PRELID2: variants seen among roughly 807,000 people sequenced by gnomAD.
The protein encoded by PRELID2 is PRELI domain-containing protein 2.
PRELID2 carries 25 observed loss-of-function variants against 28.4 expected under a neutral mutation model. The observed-to-expected ratio is 0.88, with a 90% CI of 0.64 to 1.23. The LOEUF (loss-of-function observed/expected upper bound fraction) is 1.23. Ranked by LOEUF, PRELID2 falls within the 50% of genes most tolerant of loss-of-function variation. PRELID2 has a pLI of 0.00. For missense variants in PRELID2, 201 were observed against 214.4 expected (o/e 0.94, Z 0.39); for synonymous variants, 76 against 71.6 (o/e 1.06, Z -0.31).
chr5:145,542,783 T>TTCTTTCTTTCTTTCTG (rs397750315), intron 1 of PRELID2, among the ~76,000 whole-genome samples: 2 of 114,632 alleles, frequency 1.7e-5, no homozygotes, highest in East Asian at 4.5e-4. Flanking sequence ...CTTTCTTTCT[T>TTCTTTCTTTCTTTCTG]TCTGTCTTTT....
the PRELID2 span, among the ~76,000 whole-genome samples, chr5:145,375,115 G>A: frequency 7.2e-5 from 11 of 152,250 alleles, no homozygotes; most frequent in East Asian, 2.1e-3. Flanking sequence ...ACCTTTGTGA[G>A]TTTGTCTAGT....
chr5:145,746,773 A>G (rs985288529), intron 1 of PRELID2, among the ~76,000 whole-genome samples: 4 of 152,240 alleles, frequency 2.6e-5, no homozygotes, highest in Admixed American at 6.5e-5. Flanking sequence ...AATAGATCAC[A>G]TAATTGGAAG....
chr5:145,277,244 G>A, the PRELID2 span, among the ~76,000 whole-genome samples: 3,670 of 152,156 alleles, frequency 0.024, 144 homozygotes, highest in African/African-American at 0.084. Flanking sequence ...CAAAAAATAA[G>A]ATCGCAAATA....
intron 5 of PRELID2, among the ~76,000 whole-genome samples, chr5:145,784,119 T>G (rs1751827351): frequency 6.6e-6 from 1 of 151,198 alleles, no homozygotes; most frequent in Non-Finnish European, 1.5e-5. Flanking sequence ...TGGTCTTTAC[T>G]AAAAATACAA....
chr5:145,696,665 T>C (rs937026528), intron 1 of PRELID2, among the ~76,000 whole-genome samples: 1 of 151,904 alleles, frequency 6.6e-6, no homozygotes, highest in African/African-American at 2.4e-5. Flanking sequence ...AGTTGCACCA[T>C]GTCGCCCAGG....
intron 1 of PRELID2, among the ~76,000 whole-genome samples, chr5:145,722,372 T>C (rs1756014353): frequency 6.6e-6 from 1 of 152,244 alleles, no homozygotes; most frequent in Admixed American, 6.5e-5. Context: ...CAATCTCAGC[T>C]CACTGCAACC....
chr5:145,583,159 T>C (rs1338592004), intron 1 of PRELID2, among the ~76,000 whole-genome samples: 1 of 152,138 alleles, frequency 6.6e-6, no homozygotes, highest in Non-Finnish European at 1.5e-5. Flanking sequence ...ATAAATGTGA[T>C]TCATCACAAA....
the PRELID2 span, among the ~76,000 whole-genome samples, chr5:145,384,172 G>A: frequency 6.6e-6 from 1 of 152,138 alleles, no homozygotes; most frequent in African/African-American, 2.4e-5. Context: ...ATGTGAGTGA[G>A]AGTGTGGAAG....
the PRELID2 span, among the ~76,000 whole-genome samples, chr5:145,375,047 T>C: frequency 6.6e-6 from 1 of 152,178 alleles, no homozygotes; most frequent in African/African-American, 2.4e-5. Flanking sequence ...TGTGATCATT[T>C]GGAGAAGAGG....
chr5:145,332,047 A>G, the PRELID2 span, among the ~76,000 whole-genome samples: 57 of 152,324 alleles, frequency 3.7e-4, no homozygotes, highest in African/African-American at 1.3e-3. Flanking sequence ...TTGGCTAGAT[A>G]CGAAATTCTT....
chr5:145,796,214 A>G, intron 5 of PRELID2: 1 of 350,318 alleles, frequency 2.9e-6, no homozygotes. Flanking sequence ...AAATTTTCAC[A>G]TACTCTTCAT....
At chr5:145,599,132 C>G (rs1753352441) in intron 1 of PRELID2, among the ~76,000 whole-genome samples, 1 of 151,464 alleles carries the variant, frequency 6.6e-6, no homozygotes, top group Admixed American at 6.6e-5. Flanking sequence ...AACATGGAGA[C>G]AGTAATTGCT....
intron 1 of PRELID2, among the ~76,000 whole-genome samples, chr5:145,735,475 G>C (rs180772793): frequency 6.6e-5 from 10 of 152,182 alleles, no homozygotes; most frequent in Non-Finnish European, 1.3e-4. Context: ...ACAGTGACAT[G>C]ACATAGTGTA....
chr5:145,385,435 C>T, the PRELID2 span, among the ~76,000 whole-genome samples: 1 of 152,150 alleles, frequency 6.6e-6, no homozygotes, highest in Non-Finnish European at 1.5e-5. Context: ...AAGTGCCGCT[C>T]AGATGGTGTC....
chr5:145,681,372 C>T (rs1375519643), intron 1 of PRELID2, among the ~76,000 whole-genome samples: 1 of 152,048 alleles, frequency 6.6e-6, no homozygotes, highest in Non-Finnish European at 1.5e-5. Flanking sequence ...TCTTCTCTCT[C>T]TTGTACAGGA....
the PRELID2 span, among the ~76,000 whole-genome samples, chr5:145,291,335 C>CACAAAAAAAAAAAAAA: frequency 7.0e-5 from 4 of 57,472 alleles, no homozygotes; most frequent in African/African-American, 4.3e-4. Context: ...GACTCTGTTT[C>CACAAAAAAAAAAAAAA]AGAAAAAAAA....
intron 1 of PRELID2, among the ~76,000 whole-genome samples, chr5:145,573,009 A>G (rs1021779831): frequency 6.6e-5 from 10 of 152,162 alleles, no homozygotes; most frequent in African/African-American, 2.4e-4. Context: ...TCAAGTATAC[A>G]TAGCCCAACA....
the PRELID2 span, among the ~76,000 whole-genome samples, chr5:145,411,307 C>T: frequency 1.3e-5 from 2 of 152,134 alleles, no homozygotes; most frequent in African/African-American, 2.4e-5. Flanking sequence ...TATTCACTAT[C>T]ATGAGAACAG....
chr5:145,353,506 T>C, the PRELID2 span, among the ~76,000 whole-genome samples: 3 of 151,304 alleles, frequency 2.0e-5, no homozygotes, highest in East Asian at 5.8e-4. Context: ...TGAGACCGGG[T>C]AATTTGTAAA....
Sources: gnomAD v4.1 joint callset for allele counts (sites outside exome capture counted in the v4.1 genomes callset) on GRCh38, gnomAD v4.1.1 for gene constraint, MANE v1.5 for transcripts, NCBI Gene and HGNC (gene_info 2026-07-23, HGNC 2026-07-21) for gene names.